CHST3: variants seen among roughly 807,000 people sequenced by gnomAD.
CHST3 encodes carbohydrate sulfotransferase 3.
In CHST3, 20 loss-of-function variants were observed where a neutral mutation model predicts 35.4. The observed-to-expected ratio is 0.57, with a 90% confidence interval of 0.40 to 0.82. The LOEUF (loss-of-function observed/expected upper bound fraction) is 0.82, where lower values mean the gene tolerates loss of function less well. CHST3 is among the 40% of genes least tolerant of loss of function. CHST3 has a pLI of 0.00. For synonymous variants in CHST3, 334 were observed against 295.9 expected (o/e 1.13, Z -1.32); for missense variants, 693 against 670.1 (o/e 1.03, Z -0.38).
At chr10:71,992,827 A>AT (rs55831114) in intron 1 of CHST3, among the ~76,000 whole-genome samples, 52,853 of 151,278 alleles carry the variant, frequency 0.35, 10,948 homozygotes, top group Non-Finnish European at 0.47. Context: ...CGCTTGGCTA[A>AT]TTTTTTGTAT....
At chr10:71,982,036 T>G (rs1279126292) in intron 1 of CHST3, among the ~76,000 whole-genome samples, 1 of 152,232 alleles carries the variant, frequency 6.6e-6, no homozygotes, top group Non-Finnish European at 1.5e-5. Flanking sequence ...CAGGTGCTTA[T>G]GGGATGCTGA....
chr10:72,005,521 G>A lies in CHST3; in HGVS notation c.-107-215G>A, dbSNP rs570460252. Among the ~76,000 whole-genome samples the A allele has an allele frequency of 3.9e-5, 6 of 152,316 alleles. No homozygotes were observed. The East Asian group carries it at 1.2e-3, about 29-fold the overall frequency. ...GATGTGTGAGGTCAAGGGAGAAACT[G>A]ATGGAGGTGGGATGGATGAACCCGA... On this transcript the variant is annotated intron_variant, in intron 1 of 2. Transcript: ENST00000373115.
intron 1 of CHST3, among the ~76,000 whole-genome samples, chr10:71,967,071 C>A (rs1334993704): frequency 6.6e-6 from 1 of 152,162 alleles, no homozygotes; most frequent in South Asian, 2.1e-4. Context: ...ACGATCACTG[C>A]CACTCACCAT....
At chr10:71,989,937 T>G (rs1564527891) in intron 1 of CHST3, among the ~76,000 whole-genome samples, 1 of 152,230 alleles carries the variant, frequency 6.6e-6, no homozygotes, top group Admixed American at 6.5e-5. Flanking sequence ...CATTACAGAG[T>G]ATTGCACTGA....
At chr10:71,994,482 A>C (rs970597036) in intron 1 of CHST3, among the ~76,000 whole-genome samples, 3 of 152,184 alleles carry the variant, frequency 2.0e-5, no homozygotes, top group Non-Finnish European at 2.9e-5. Context: ...ATATTGAATA[A>C]ATCATACTGT....
At chr10:71,989,347 T>G (rs1046645358) in intron 1 of CHST3, among the ~76,000 whole-genome samples, 10 of 152,046 alleles carry the variant, frequency 6.6e-5, no homozygotes, top group Non-Finnish European at 1.3e-4. Context: ...TTTGGGAGGC[T>G]GAAGCAGGAG....
At chr10:72,001,187 C>A (rs1430317224) in intron 1 of CHST3, among the ~76,000 whole-genome samples, 1 of 152,190 alleles carries the variant, frequency 6.6e-6, no homozygotes, top group Non-Finnish European at 1.5e-5. Context: ...TGTGCACTCA[C>A]CAGATGGTCG....
intron 1 of CHST3, among the ~76,000 whole-genome samples, chr10:71,969,632 C>G (rs1387754684): frequency 6.6e-6 from 1 of 152,240 alleles, no homozygotes; most frequent in Non-Finnish European, 1.5e-5. Flanking sequence ...CTGGAGCCCT[C>G]TCCCCCTCCA....
At chr10:71,973,630 A>G (rs745937176) in intron 1 of CHST3, among the ~76,000 whole-genome samples, 4 of 152,206 alleles carry the variant, frequency 2.6e-5, no homozygotes, top group Non-Finnish European at 4.4e-5. Context: ...CTGCGCGCCT[A>G]TGCTCATGCT....
rs1183142388 is a variant in CHST3, at chr10:72,008,085, G to A, written c.1054G>A (p.Ala352Thr). ...RGNCESIRLSAELGLRQPAWL... is the reference protein window; with the variant it reads ...RGNCESIRLSTELGLRQPAWL... ...CAACTGCGAGAGCATCCGCCTGTCC[G>A]CGGAGCTGGGGCTGCGGCAGCCCGC... The change falls in exon 3 of 3, where the codon GCG becomes ACG. Residue 352 changes from alanine (A) to threonine (T), a missense_variant. Physicochemically the swap from Ala to Thr is moderately conservative, Grantham distance 58. Transcript: ENST00000373115. The A allele has an allele frequency of 6.5e-7, 1 of 1,545,500 alleles. No individual in the cohort carries two copies.
At position 72,007,277 on chromosome 10, in the gene CHST3, G is replaced by A. The variant is rs1268612095; in HGVS notation, c.246G>A (p.Glu82=). The A allele has an allele frequency of 6.2e-7, 1 of 1,613,970 alleles. No homozygotes were observed. The highest frequency in any genetic ancestry group is 1.3e-5 in the African/African-American group (1 of 74,940). Residue 82 remains glutamate (E), a synonymous_variant, in exon 3 of 3, where the codon GAG becomes GAA. Transcript: ENST00000373115. ...ACGCATCTCTCTTGTCCCTGAGCGA[G>A]CTCGATTCAGCCTTCTCCCAGCTTC... ...AENASLLSLS[E]LDSAFSQLQS...
chr10:71,966,282 C>A (rs1839631554), intron 1 of CHST3, among the ~76,000 whole-genome samples: 1 of 152,120 alleles, frequency 6.6e-6, no homozygotes, highest in South Asian at 2.1e-4. Context: ...TGTTCTGCAG[C>A]AGTGGCTTGG....
chr10:71,992,801 C>CAATT (rs1839909393), intron 1 of CHST3, among the ~76,000 whole-genome samples: 1 of 151,598 alleles, frequency 6.6e-6, no homozygotes, highest in African/African-American at 2.4e-5. Flanking sequence ...GGTGGGATTA[C>CAATT]AGGCGTCCGC....
chr10:72,006,837 C>G (rs551686607), intron 2 of CHST3, among the ~76,000 whole-genome samples: 1 of 152,296 alleles, frequency 6.6e-6, no homozygotes, highest in East Asian at 1.9e-4. Flanking sequence ...CACCTGAGAG[C>G]TTTCTCTCCA....
At chr10:71,968,300 A>G (rs1483677370) in intron 1 of CHST3, among the ~76,000 whole-genome samples, 2 of 152,046 alleles carry the variant, frequency 1.3e-5, no homozygotes, top group Non-Finnish European at 2.9e-5. Flanking sequence ...TTTGAAAAGT[A>G]TCTGTTTGTG....
At chr10:71,988,426 C>T (rs1839869478) in intron 1 of CHST3, among the ~76,000 whole-genome samples, 2 of 152,138 alleles carry the variant, frequency 1.3e-5, no homozygotes, top group Admixed American at 1.3e-4. Flanking sequence ...GGGGGTGGAT[C>T]CCTCATGGCT....
chr10:71,971,823 C>T (rs1482835579), intron 1 of CHST3, among the ~76,000 whole-genome samples: 1 of 152,154 alleles, frequency 6.6e-6, no homozygotes, highest in Non-Finnish European at 1.5e-5. Flanking sequence ...GCCTGTCCTG[C>T]AGGTTTGATG....
In CHST3 at chr10:71,980,466, A is replaced by T. The variant is rs574259365; in HGVS notation, c.-108+15772A>T. On this transcript the variant is annotated intron_variant, in intron 1 of 2. Coordinates refer to ENST00000373115, the MANE Select transcript of CHST3 (RefSeq NM_004273.5). ...GCTGTTGTGTTTAAAAAAGAAAAAA[A>T]AAGCTTATCTTAACCTACCAAATTG... Among the ~76,000 whole-genome samples, 4 of 152,226 alleles carry T rather than the reference A, an allele frequency of 2.6e-5. No homozygotes were observed. In the South Asian group the frequency reaches 8.3e-4, roughly 32 times the overall value.
chr10:71,999,602 C>G (rs1839972501), intron 1 of CHST3, among the ~76,000 whole-genome samples: 1 of 152,196 alleles, frequency 6.6e-6, no homozygotes. Flanking sequence ...TGGAGTTTTG[C>G]TGCCTGATGC....
Sources: gnomAD v4.1 joint callset for allele counts (sites outside exome capture counted in the v4.1 genomes callset) on GRCh38, gnomAD v4.1.1 for gene constraint, MANE v1.5 for transcripts, NCBI Gene and HGNC (gene_info 2026-07-23, HGNC 2026-07-21) for gene names.